Variants in STK35 observed in about 807,000 individuals in gnomAD.
The protein encoded by STK35 is serine/threonine-protein kinase 35.
In STK35, 17 loss-of-function variants were observed where a neutral mutation model predicts 37.3. That is an observed-to-expected ratio of 0.46 (90% CI 0.31 to 0.68). The LOEUF is 0.68. STK35 is among the 30% of genes least tolerant of loss of function. The pLI, the probability that STK35 is intolerant of heterozygous loss-of-function variation, is 0.05. For synonymous variants in STK35, 385 were observed against 319.1 expected (o/e 1.21, Z -2.20); for missense variants, 595 against 746.7 (o/e 0.80, Z 2.37).
At chr20:2,132,384 C>T (rs1208029202) in intron 3 of STK35, among the ~76,000 whole-genome samples, 1 of 152,250 alleles carries the variant, frequency 6.6e-6, no homozygotes, top group Non-Finnish European at 1.5e-5. Context: ...AGACAGAACA[C>T]TGGAATTTGT....
chr20:2,121,819 T>C (rs1053492566), intron 3 of STK35, among the ~76,000 whole-genome samples: 2 of 151,988 alleles, frequency 1.3e-5, no homozygotes, highest in Non-Finnish European at 2.9e-5. Context: ...ATTTAGTAAA[T>C]GGGAAAGCAT....
intron 3 of STK35, among the ~76,000 whole-genome samples, chr20:2,120,077 G>A (rs1167095133): frequency 6.6e-6 from 1 of 152,228 alleles, no homozygotes. Context: ...TGTTTTAAAT[G>A]TATTTTGTGC....
chr20:2,134,293 G>A lies in STK35; in HGVS notation c.*38-9491G>A, dbSNP rs576871627. 3.5e-4 allele frequency among the ~76,000 whole-genome samples: 53 copies of A among 149,818 alleles called. 2 individuals carry two copies. The South Asian group carries it at 9.5e-3, about 27-fold the overall frequency. ...AAAAAAAAAAGATGGGGCGGGTCTC[G>A]GGTTCTGCTAGAAACTTTCAAGGAG... On this transcript the variant is annotated intron_variant, in intron 3 of 3. Coordinates refer to ENST00000381482, the MANE Select transcript of STK35 (RefSeq NM_080836.4).
intron 3 of STK35, among the ~76,000 whole-genome samples, chr20:2,141,909 T>A (rs1986178368): frequency 6.6e-6 from 1 of 152,220 alleles, no homozygotes; most frequent in South Asian, 2.1e-4. Flanking sequence ...AGTTGTTATA[T>A]TTCAGTGAAC....
chr20:2,109,380 T>G (rs1339644202), intron 2 of STK35, among the ~76,000 whole-genome samples: 1 of 152,248 alleles, frequency 6.6e-6, no homozygotes, highest in Admixed American at 6.5e-5. Flanking sequence ...GGCTGGTGGA[T>G]TCTACATTTT....
chr20:2,102,691 A>T (rs933276436), intron 1 of STK35, 77 bp from the exon 2 acceptor site: 5 of 1,243,776 alleles, frequency 4.0e-6, no homozygotes, highest in Non-Finnish European at 4.1e-6. Flanking sequence ...GGGGAGGAGG[A>T]GGTGGGACGC....
chr20:2,118,267 T>A (rs1378852527), intron 3 of STK35, among the ~76,000 whole-genome samples: 1 of 152,190 alleles, frequency 6.6e-6, no homozygotes, highest in East Asian at 1.9e-4. Context: ...GAAAACAGAT[T>A]TTTTCCATTT....
intron 2 of STK35, among the ~76,000 whole-genome samples, chr20:2,114,077 C>T (rs775567843): frequency 2.0e-5 from 3 of 152,106 alleles, no homozygotes; most frequent in Admixed American, 6.5e-5. Flanking sequence ...TGGCATCATC[C>T]ACGTCGCCTC....
intron 3 of STK35, among the ~76,000 whole-genome samples, chr20:2,135,101 A>C (rs762979481): frequency 6.6e-6 from 1 of 152,186 alleles, no homozygotes; most frequent in Non-Finnish European, 1.5e-5. Context: ...CAGGTTTCCC[A>C]CATTTACTCT....
chr20:2,143,007 G>C (rs1298894086), intron 3 of STK35, among the ~76,000 whole-genome samples: 1 of 152,210 alleles, frequency 6.6e-6, no homozygotes, highest in Non-Finnish European at 1.5e-5. Context: ...AACACTAATA[G>C]GATCAGGCAC....
rs971416432 is a variant in STK35, at chr20:2,144,910, C to A, written c.*1164C>A. 8 of 152,892 alleles carry A rather than the reference C, an allele frequency of 5.2e-5. No individual in the cohort carries two copies. Among genetic ancestry groups the A allele is most frequent in the African/African-American group, 1.9e-4 (8 of 41,470 alleles). The allele number at this position is 152,892 out of a possible 1,614,324, so 9.5% of individuals were successfully genotyped here. ...ACACACTGTCAAGCGCCATTTCCCT[C>A]ACCCCTGGAGACTTACTGTTAGGTG... On this transcript the variant is annotated 3_prime_UTR_variant, in exon 4 of 4. Coordinates refer to ENST00000381482, the MANE Select transcript of STK35 (RefSeq NM_080836.4).
intron 3 of STK35, among the ~76,000 whole-genome samples, chr20:2,118,636 G>A (rs1421583249): frequency 1.3e-5 from 2 of 152,170 alleles, no homozygotes; most frequent in Non-Finnish European, 2.9e-5. Context: ...GTCATGCTCC[G>A]CATGAACAAC....
intron 3 of STK35, among the ~76,000 whole-genome samples, chr20:2,119,613 C>T (rs866836886): frequency 4.4e-4 from 67 of 152,218 alleles, no homozygotes; most frequent in African/African-American, 1.5e-3. Flanking sequence ...ACCCCAGATC[C>T]TACTAAGTTA....
rs752712872 is a variant in STK35, at chr20:2,102,949, C to T, written c.476C>T (p.Ala159Val). ...ERKRRSPVPRAPSTKLRPAAA... is the reference protein window; with the variant it reads ...ERKRRSPVPRVPSTKLRPAAA... ...AAAAGGCGAAGCCCAGTGCCGCGGG[C>T]GCCCAGCACGAAGCTGAGGCCGGCG... Residue 159 changes from alanine (A) to valine (V), a missense_variant, in exon 2 of 4, where the codon GCG becomes GTG. Physicochemically the swap from Ala to Val is moderately conservative, Grantham distance 64. Around this residue, in one of 3 missense-constraint regions of STK35, gnomAD observed 389 missense variants for 320.0 expected, o/e 1.22. Transcript: ENST00000381482. 6 of 1,486,748 alleles carry T rather than the reference C, an allele frequency of 4.0e-6. No individual in the cohort carries two copies. In the African/African-American group the frequency reaches 7.2e-5, roughly 18 times the overall value. The allele number at this position is 1,486,748 out of a possible 1,614,324, so 92.1% of individuals were successfully genotyped here.
Position 2,118,093 on chromosome 20 carries a change from G to A in STK35, c.*37+678G>A, listed in dbSNP as rs138230954. Among the ~76,000 whole-genome samples, 118 of 152,108 alleles carry A rather than the reference G, an allele frequency of 7.8e-4. 1 individual carries two copies. The highest frequency in any genetic ancestry group is 2.8e-3 in the African/African-American group (115 of 41,494). ...TTGTATCCCACCTACTCACACATCC[G>A]GTTCCACATAGTTTAGATCTTGCCC... On this transcript the variant is annotated intron_variant, in intron 3 of 3. Coordinates refer to ENST00000381482, the MANE Select transcript of STK35 (RefSeq NM_080836.4).
chr20:2,136,186 C>T (rs1986084123), intron 3 of STK35, among the ~76,000 whole-genome samples: 1 of 152,192 alleles, frequency 6.6e-6, no homozygotes, highest in African/African-American at 2.4e-5. Flanking sequence ...GATGTATTTG[C>T]CAAAGTTGGC....
intron 3 of STK35, among the ~76,000 whole-genome samples, chr20:2,118,958 G>A (rs995712365): frequency 6.6e-6 from 1 of 152,140 alleles, no homozygotes; most frequent in Non-Finnish European, 1.5e-5. Flanking sequence ...CACAACAATC[G>A]CCTAATGACT....
Position 2,145,224 on chromosome 20 carries a change from CTTGTG to C in STK35, c.*1483_*1487del, listed in dbSNP as rs1423712217. 6.6e-6 allele frequency: 1 copy of C among 152,406 alleles called. No homozygotes were observed. The highest frequency in any genetic ancestry group is 6.5e-5 in the Admixed American group (1 of 15,288). The allele number at this position is 152,406 out of a possible 1,614,324, so 9.4% of individuals were successfully genotyped here. A position where few individuals can be genotyped will look rare whatever the true frequency, so the allele number is the denominator to read the frequency against. On this transcript the variant is annotated 3_prime_UTR_variant, in exon 4 of 4. Coordinates refer to ENST00000381482, the MANE Select transcript of STK35 (RefSeq NM_080836.4). ...TCCCCCTGCAAGAAGGGGCAATGCT[CTTGTG>C]TTGTCCCTCTGTCTGGACGCGCCTG...
At chr20:2,139,830 A>G (rs953480415) in intron 3 of STK35, among the ~76,000 whole-genome samples, 3 of 152,156 alleles carry the variant, frequency 2.0e-5, no homozygotes, top group Non-Finnish European at 4.4e-5. Context: ...GGTGGGGTGC[A>G]CTGAGAGAAC....
Sources: gnomAD v4.1 joint callset for allele counts (sites outside exome capture counted in the v4.1 genomes callset) on GRCh38, gnomAD v4.1.1 for gene constraint, gnomAD v4.1.1 regional missense constraint, MANE v1.5 for transcripts, NCBI Gene and HGNC (gene_info 2026-07-23, HGNC 2026-07-21) for gene names.